The following TAFA2 variants were observed in gnomAD, a reference collection of about 807,000 sequenced individuals.
TAFA2 encodes chemokine-like protein TAFA-2.
A neutral mutation model predicts 18.8 loss-of-function variants in TAFA2; 7 were observed. The observed-to-expected ratio is 0.37, with a 90% confidence interval of 0.21 to 0.70. The LOEUF (loss-of-function observed/expected upper bound fraction) is 0.70. Among genes scored for constraint, TAFA2 ranks in the 30% least tolerant of loss-of-function variants. The probability of loss-of-function intolerance (pLI) is 0.53; values close to 1 mark genes in which losing one functional copy is unlikely to be tolerated. For missense variants in TAFA2, 122 were observed against 158.1 expected (o/e 0.77, Z 1.23); for synonymous variants, 60 against 54.2 (o/e 1.11, Z -0.47).
intron 1 of TAFA2, chr12:62,235,358 A>G (rs183005968): frequency 5.8e-4 from 377 of 655,622 alleles, no homozygotes; most frequent in Admixed American, 1.0e-3. Flanking sequence ...TTGGTAGGCC[A>G]TGGTTCCAAG....
chr12:61,872,190 G>C (rs1874639849), intron 1 of TAFA2, among the ~76,000 whole-genome samples: 1 of 152,148 alleles, frequency 6.6e-6, no homozygotes, highest in Admixed American at 6.5e-5. Flanking sequence ...GGGGAATAAA[G>C]GAGATAGTAT....
chr12:61,894,583 A>G (rs1875763845), intron 1 of TAFA2, among the ~76,000 whole-genome samples: 1 of 152,220 alleles, frequency 6.6e-6, no homozygotes, highest in African/African-American at 2.4e-5. Flanking sequence ...AGTGTCATGC[A>G]GTCATCTGTC....
chr12:62,181,999 CG>C (rs1306544061), intron 1 of TAFA2, among the ~76,000 whole-genome samples: 130 of 150,394 alleles, frequency 8.6e-4, no homozygotes, highest in African/African-American at 3.1e-3. Flanking sequence ...ATCCCCCCCC[CG>C]CTACACATAG....
chr12:61,909,763 C>T (rs1876521594), intron 1 of TAFA2, among the ~76,000 whole-genome samples: 1 of 152,092 alleles, frequency 6.6e-6, no homozygotes, highest in Non-Finnish European at 1.5e-5. Flanking sequence ...AATTAAGAGG[C>T]ACCACAAACC....
At chr12:61,889,846 A>T (rs1460607696) in intron 1 of TAFA2, among the ~76,000 whole-genome samples, 3 of 152,186 alleles carry the variant, frequency 2.0e-5, no homozygotes, top group African/African-American at 7.2e-5. Flanking sequence ...TTCTCTATGC[A>T]TTGGACTGCC....
chr12:62,233,703 C>G (rs776960508), intron 1 of TAFA2, among the ~76,000 whole-genome samples: 2 of 152,160 alleles, frequency 1.3e-5, no homozygotes, highest in African/African-American at 4.8e-5. Flanking sequence ...ATGAAAGATT[C>G]TTTGAGTATC....
intron 2 of TAFA2, among the ~76,000 whole-genome samples, chr12:61,778,959 C>CT (rs575979649): frequency 2.2e-3 from 328 of 151,910 alleles, no homozygotes; most frequent in African/African-American, 7.4e-3. Context: ...AAAATGTGCC[C>CT]TGTTGAAAAG....
At chr12:61,777,349 G>T (rs1227081821) in intron 2 of TAFA2, among the ~76,000 whole-genome samples, 1 of 151,842 alleles carries the variant, frequency 6.6e-6, no homozygotes, top group Non-Finnish European at 1.5e-5. Flanking sequence ...ACAAGATAAG[G>T]TAGGGAAAGC....
chr12:61,787,344 T>C (rs182009110), intron 2 of TAFA2, among the ~76,000 whole-genome samples: 21 of 151,680 alleles, frequency 1.4e-4, no homozygotes, highest in Admixed American at 1.1e-3. Flanking sequence ...GAACAATAAT[T>C]ACTATCATAA....
chr12:61,983,744 C>A (rs1314535818), intron 1 of TAFA2, among the ~76,000 whole-genome samples: 1 of 152,140 alleles, frequency 6.6e-6, no homozygotes, highest in Non-Finnish European at 1.5e-5. Flanking sequence ...GAAGTTGGTG[C>A]AATTTCCTTC....
chr12:61,832,264 C>T (rs1056802301), intron 2 of TAFA2, among the ~76,000 whole-genome samples: 9 of 152,052 alleles, frequency 5.9e-5, no homozygotes, highest in African/African-American at 2.2e-4. Flanking sequence ...ACCTGCTTCC[C>T]TTGCAAAGCT....
At chr12:62,051,242 A>G (rs1882044799) in intron 1 of TAFA2, among the ~76,000 whole-genome samples, 1 of 152,204 alleles carries the variant, frequency 6.6e-6, no homozygotes, top group African/African-American at 2.4e-5. Flanking sequence ...AGTGAGGCAT[A>G]CAGATTGGTC....
chr12:61,775,311 A>T (rs1364287776), intron 2 of TAFA2, among the ~76,000 whole-genome samples: 3 of 151,878 alleles, frequency 2.0e-5, no homozygotes, highest in Non-Finnish European at 4.4e-5. Flanking sequence ...TTTGGTACTT[A>T]CCCAAAGGGG....
intron 1 of TAFA2, among the ~76,000 whole-genome samples, chr12:62,010,285 C>T (rs1880692018): frequency 6.6e-6 from 1 of 151,954 alleles, no homozygotes; most frequent in South Asian, 2.1e-4. Context: ...GTTCTCCTGC[C>T]TTGGCCTGGG....
At chr12:62,066,579 G>A (rs1882494477) in intron 1 of TAFA2, among the ~76,000 whole-genome samples, 2 of 152,012 alleles carry the variant, frequency 1.3e-5, no homozygotes, top group South Asian at 4.1e-4. Context: ...GTTTGTTTCT[G>A]TGTCTGGCTT....
intron 1 of TAFA2, among the ~76,000 whole-genome samples, chr12:61,920,734 C>T (rs970112175): frequency 6.6e-6 from 1 of 151,662 alleles, no homozygotes; most frequent in African/African-American, 2.4e-5. Context: ...GCCAAACAAC[C>T]TAGGAGGGTA....
At chr12:61,986,042 C>T (rs1170377433) in intron 1 of TAFA2, among the ~76,000 whole-genome samples, 2 of 150,538 alleles carry the variant, frequency 1.3e-5, no homozygotes, top group Non-Finnish European at 2.9e-5. Context: ...CTGGTGACCT[C>T]GAAATAAACA....
chr12:61,710,618 AT>A (rs1337815404), intron 4 of TAFA2, among the ~76,000 whole-genome samples: 1 of 152,130 alleles, frequency 6.6e-6, no homozygotes, highest in Non-Finnish European at 1.5e-5. Flanking sequence ...ATCTCACAAT[AT>A]TTTTAAAGCC....
chr12:61,824,332 C>T (rs1354557062), intron 2 of TAFA2, among the ~76,000 whole-genome samples: 1 of 152,132 alleles, frequency 6.6e-6, no homozygotes, highest in Non-Finnish European at 1.5e-5. Flanking sequence ...ACTCCTGACC[C>T]ACAGAAACCA....
Sources: allele counts gnomAD v4.1 joint callset (sites outside exome capture counted in the v4.1 genomes callset), GRCh38; gene constraint gnomAD v4.1.1; transcripts MANE v1.5; gene names NCBI Gene and HGNC (gene_info 2026-07-23, HGNC 2026-07-21).